The following ABCA13 variants were observed in gnomAD, a reference collection of about 807,000 sequenced individuals.
ABCA13 encodes the protein ATP binding cassette subfamily A member 13, also known as ATP-binding cassette sub-family A member 13.
Under a neutral mutation model 478.7 loss-of-function variants are expected in ABCA13, and 476 were observed. That is an observed-to-expected ratio of 0.99 (90% CI 0.92 to 1.07). The LOEUF (loss-of-function observed/expected upper bound fraction) is 1.07. Among genes scored for constraint, ABCA13 ranks in the 50% least tolerant of loss-of-function variants. ABCA13 has a pLI of 0.00. For missense variants in ABCA13, 6,060 were observed against 5,910.6 expected (o/e 1.03, Z -0.83); for synonymous variants, 2,252 against 2,158.9 (o/e 1.04, Z -1.20).
Position 48,272,072 on chromosome 7 carries a change from G to GA in ABCA13, c.2410dup (p.Met804AsnfsTer26). 1 of 1,613,678 alleles carries GA rather than the reference G, an allele frequency of 6.2e-7. No homozygotes were observed. The highest frequency in any genetic ancestry group is 8.5e-7 in the Non-Finnish European group (1 of 1,179,742). Reference sequence around the variant, plus strand: ...TGGAATTTGGCAACGAAGTGATTTGGAAAATGCAGACTCTCGGAAGTCACT... The same window carrying GA: ...TGGAATTTGGCAACGAAGTGATTTGGAAAAATGCAGACTCTCGGAAGTCACT... On this transcript the variant is annotated frameshift_variant, in exon 17 of 62. Coordinates refer to ENST00000435803, the MANE Select transcript of ABCA13 (RefSeq NM_152701.5). LOFTEE classifies it high-confidence loss of function.
rs201872941 is a variant in ABCA13 at position 48,524,391 on chromosome 7, A to G, written c.14195A>G (p.Gln4732Arg). ...NLSKHYRRFF[Q>R]NIIAVQDISL... ...AGTAAACATTATCGACGCTTTTTCC[A>G]GAATATTATTGCTGTGCAAGATATT... is the stretch of plus-strand genomic sequence containing the variant. The change falls in exon 54 of 62, where the codon CAG becomes CGG. Residue 4732 changes from glutamine to arginine, a missense_variant. Physicochemically the swap from Gln to Arg is conservative, Grantham distance 43. Around this residue, in one of 3 missense-constraint regions of ABCA13, gnomAD observed 1,627 missense variants for 1,571.0 expected, o/e 1.04. Transcript: ENST00000435803. 1.9e-6 allele frequency: 3 copies of G among 1,613,246 alleles called. No individual in the cohort carries two copies. The highest frequency in any genetic ancestry group is 2.2e-5 in the East Asian group (1 of 44,764).
chr7:48,446,562 A>G (rs1034386292), intron 42 of ABCA13, among the ~76,000 whole-genome samples: 23 of 152,130 alleles, frequency 1.5e-4, no homozygotes, highest in Non-Finnish European at 2.9e-4. Context: ...GATGATGGAA[A>G]GCAATTTTGG....
chr7:48,452,770 TG>T (rs1164724190), intron 42 of ABCA13, among the ~76,000 whole-genome samples: 1 of 152,230 alleles, frequency 6.6e-6, no homozygotes, highest in East Asian at 1.9e-4. Flanking sequence ...CATTTTACCT[TG>T]TCAGAGAAAG....
chr7:48,352,350 G>T lies in ABCA13; in HGVS notation c.10551G>T (p.Gly3517=). The T allele has an allele frequency of 6.2e-7, 1 of 1,613,722 alleles. No homozygotes were observed. Among genetic ancestry groups the T allele is most frequent in the South Asian group, 1.1e-5 (1 of 91,082 alleles). Residue 3517 remains glycine, a synonymous_variant, in exon 31 of 62, where the codon GGG becomes GGT. Transcript: ENST00000435803. ...KFHPQNLPAD[G]FKYNYVFAPL... ...ACCCTCAGAATCTACCAGCTGATGGGTTCAAATATAACTACGTCTTTGCCC... is the reference window on the plus strand; with the variant it reads ...ACCCTCAGAATCTACCAGCTGATGGTTTCAAATATAACTACGTCTTTGCCC...
At chr7:48,502,194 C>G (rs763716940) in intron 48 of ABCA13, among the ~76,000 whole-genome samples, 1 of 152,134 alleles carries the variant, frequency 6.6e-6, no homozygotes, top group Non-Finnish European at 1.5e-5. Flanking sequence ...GAATTACTAA[C>G]TACAGGAGCA....
chr7:48,609,985 C>G (rs1381989317), intron 58 of ABCA13, among the ~76,000 whole-genome samples: 1 of 152,094 alleles, frequency 6.6e-6, no homozygotes, highest in Non-Finnish European at 1.5e-5. Flanking sequence ...CATAACTGGC[C>G]TCTCCCATAT....
chr7:48,487,170 C>G (rs149446466), intron 47 of ABCA13, among the ~76,000 whole-genome samples: 1 of 151,886 alleles, frequency 6.6e-6, no homozygotes, highest in Admixed American at 6.6e-5. Context: ...ATTAGCCGGG[C>G]GTGGTGGCAC....
chr7:48,402,772 C>T (rs766911671), intron 38 of ABCA13, among the ~76,000 whole-genome samples: 3 of 152,364 alleles, frequency 2.0e-5, no homozygotes, highest in Non-Finnish European at 2.9e-5. Context: ...CCTCTTCTGC[C>T]TGTCTAGCCT....
In ABCA13 at chr7:48,273,981, A is replaced by G. The variant is rs1272970872; in HGVS notation, c.4315A>G (p.Thr1439Ala). The G allele has an allele frequency of 1.6e-5, 26 of 1,609,480 alleles. No homozygotes were observed. The highest frequency in any genetic ancestry group is 2.0e-5 in the Non-Finnish European group (24 of 1,177,244). Reference protein sequence around the residue: ...NKMNSILKIVTWVLNIKKPLC... With the variant: ...NKMNSILKIVAWVLNIKKPLC... ...AATGAACTCTATATTAAAAATTGTA[A>G]CTTGGGTGTTAAATATAAAAAAACC... Residue 1439 changes from threonine to alanine, a missense_variant, in exon 17 of 62, where the codon ACT (threonine) becomes GCT (alanine). By Grantham distance (58) the Thr-to-Ala change is moderately conservative. This residue lies in a region of ABCA13 where 4,423 missense variants were observed against 4,309.1 expected (regional missense o/e 1.03). Coordinates refer to ENST00000435803, the MANE Select transcript of ABCA13 (RefSeq NM_152701.5).
At chr7:48,432,439 C>G (rs568141510) in intron 42 of ABCA13, among the ~76,000 whole-genome samples, 2 of 152,064 alleles carry the variant, frequency 1.3e-5, no homozygotes, top group African/African-American at 4.8e-5. Flanking sequence ...AAAAATAAAA[C>G]CACCATATGA....
At chr7:48,359,364 C>T (rs916049549) in intron 31 of ABCA13, among the ~76,000 whole-genome samples, 1 of 151,960 alleles carries the variant, frequency 6.6e-6, no homozygotes, top group African/African-American at 2.4e-5. Flanking sequence ...CTTCCCTGAC[C>T]TCCACTCACC....
intron 31 of ABCA13, among the ~76,000 whole-genome samples, chr7:48,355,340 G>A (rs78211610): frequency 0.016 from 2,447 of 152,004 alleles, 105 homozygotes; most frequent in African/African-American, 0.057. Context: ...CCATGCAAAG[G>A]CCCTGTGGTA....
chr7:48,455,415 T>A, intron 43 of ABCA13, 129 bp downstream of exon 43: 2 of 1,330,558 alleles, frequency 1.5e-6, no homozygotes, highest in Non-Finnish European at 1.0e-6. Flanking sequence ...TTCCGAGGTC[T>A]GAATTCACGA....
rs2128848764 is a variant in ABCA13, at chr7:48,174,268, G to T, written c.69+2716G>T. Reference sequence around the variant, plus strand: ...AGGAACTATTTGTTGTAGGAAGGAAGCTTGTCTGTTTTTACATTTACTGTT... The same window carrying T: ...AGGAACTATTTGTTGTAGGAAGGAATCTTGTCTGTTTTTACATTTACTGTT... On this transcript the variant is annotated intron_variant, in intron 1 of 61. Coordinates refer to ENST00000435803, the MANE Select transcript of ABCA13 (RefSeq NM_152701.5). Among the ~76,000 whole-genome samples the T allele has an allele frequency of 1.3e-5, 2 of 152,196 alleles. 1 individual carries two copies. Among genetic ancestry groups the T allele is most frequent in the South Asian group, 4.1e-4 (2 of 4,824 alleles).
chr7:48,378,911 T>C (rs1290345788), intron 35 of ABCA13, among the ~76,000 whole-genome samples: 1 of 152,212 alleles, frequency 6.6e-6, no homozygotes, highest in Non-Finnish European at 1.5e-5. Flanking sequence ...GCAAATGCAG[T>C]AGGACCTCAA....
At chr7:48,316,342 T>A (rs1271868267) in intron 26 of ABCA13, among the ~76,000 whole-genome samples, 1 of 152,268 alleles carries the variant, frequency 6.6e-6, no homozygotes, top group East Asian at 1.9e-4. Flanking sequence ...CTCAATATTG[T>A]GACTGTTGAA....
intron 40 of ABCA13, among the ~76,000 whole-genome samples, chr7:48,411,025 TTC>T (rs763978811): frequency 5.0e-5 from 6 of 120,016 alleles, no homozygotes; most frequent in African/African-American, 1.2e-4. Flanking sequence ...CTTTCTTTCT[TTC>T]TTTCTTTCTT....
At chr7:48,482,454 T>C (rs1383226172) in intron 46 of ABCA13, among the ~76,000 whole-genome samples, 1 of 152,146 alleles carries the variant, frequency 6.6e-6, no homozygotes, top group African/African-American at 2.4e-5. Context: ...CGATGTCCAC[T>C]GTAACCTCCG....
At chr7:48,468,422 T>C (rs1371997568) in intron 44 of ABCA13, among the ~76,000 whole-genome samples, 3 of 152,232 alleles carry the variant, frequency 2.0e-5, no homozygotes, top group East Asian at 3.9e-4. Flanking sequence ...TTGTGAAATC[T>C]ACCTAATCTA....
Sources: allele counts gnomAD v4.1 joint callset (sites outside exome capture counted in the v4.1 genomes callset), GRCh38; gene constraint gnomAD v4.1.1; regional missense constraint gnomAD v4.1.1; transcripts MANE v1.5; gene names NCBI Gene and HGNC (gene_info 2026-07-23, HGNC 2026-07-21).